DHRS7C: variants seen among roughly 807,000 people sequenced by gnomAD.
DHRS7C encodes dehydrogenase/reductase SDR family member 7C.
Under a neutral mutation model 29.6 loss-of-function variants are expected in DHRS7C, and 28 were observed. That is an observed-to-expected ratio of 0.95 (90% confidence interval 0.70 to 1.30). The LOEUF (loss-of-function observed/expected upper bound fraction) is 1.30, where lower values mean the gene tolerates loss of function less well. Ranked by LOEUF, DHRS7C falls within the 50% of genes most tolerant of loss-of-function variation. The probability of loss-of-function intolerance (pLI) is 0.00; values close to 1 mark genes in which losing one functional copy is unlikely to be tolerated. For missense variants in DHRS7C, 403 were observed against 393.3 expected, an observed-to-expected ratio of 1.02 and a Z score of -0.21; for synonymous variants, 158 against 160.2, an observed-to-expected ratio of 0.99 and a Z score of 0.10.
intron 1 of DHRS7C, among the ~76,000 whole-genome samples, chr17:9,782,006 G>A (rs995068677): frequency 2.0e-5 from 3 of 152,186 alleles, no homozygotes; most frequent in African/African-American, 7.2e-5. Context: ...TTTCTCTGGG[G>A]ATAGACACCT....
chr17:9,782,495 C>T (rs548682892), intron 1 of DHRS7C, among the ~76,000 whole-genome samples: 16 of 152,166 alleles, frequency 1.1e-4, no homozygotes, highest in Non-Finnish European at 2.1e-4. Context: ...CATTGCAGAG[C>T]TGGAGGCAAG....
intron 1 of DHRS7C, among the ~76,000 whole-genome samples, chr17:9,786,936 T>A (rs2066427315): frequency 6.6e-6 from 1 of 152,136 alleles, no homozygotes; most frequent in Non-Finnish European, 1.5e-5. Flanking sequence ...CTCCCTCTCT[T>A]GATGATGAGC....
At chr17:9,787,572 G>C (rs566975165) in intron 1 of DHRS7C, among the ~76,000 whole-genome samples, 1 of 152,232 alleles carries the variant, frequency 6.6e-6, no homozygotes, top group Admixed American at 6.5e-5. Context: ...ATCTCGCATC[G>C]AGCACTTTGG....
rs1567705506 is a variant in DHRS7C at position 9,791,315 on chromosome 17, GA to G, written c.-32del. On this transcript the variant is annotated 5_prime_UTR_variant, in exon 1 of 6. Transcript: ENST00000571134. ...TCTGGGGGACAACGGAGTAAAAGGG[GA>G]TTGGCTTTGCAAAGAGACGCTGATC... 1 of 1,609,456 alleles carries G rather than the reference GA, an allele frequency of 6.2e-7. No homozygotes were observed. Among genetic ancestry groups the G allele is most frequent in the South Asian group, 1.1e-5 (1 of 89,776 alleles).
chr17:9,786,989 A>T (rs1444796327), intron 1 of DHRS7C, among the ~76,000 whole-genome samples: 1 of 151,930 alleles, frequency 6.6e-6, no homozygotes, highest in Non-Finnish European at 1.5e-5. Context: ...CTTGTTGCCC[A>T]GGCTGGAGTG....
chr17:9,778,537 CT>C (rs1444877067), intron 3 of DHRS7C, among the ~76,000 whole-genome samples: 6 of 152,202 alleles, frequency 3.9e-5, no homozygotes, highest in Admixed American at 2.0e-4. Context: ...TTCCACTCCA[CT>C]TTCTTGGTTC....
chr17:9,791,042 C>CCACA, intron 1 of DHRS7C, 89 bp downstream of exon 1: 1 of 1,479,256 alleles, frequency 6.8e-7, no homozygotes, highest in Non-Finnish European at 9.1e-7. Context: ...GCAGGTTTGC[C>CCACA]CACACAGCGC....
chr17:9,779,558 G>A (rs1440118907), intron 3 of DHRS7C, among the ~76,000 whole-genome samples: 1 of 152,184 alleles, frequency 6.6e-6, no homozygotes. Flanking sequence ...GATGTAAGGA[G>A]AGAGAAGTAA....
chr17:9,771,825 C>T, intron 5 of DHRS7C, 129 bp from the exon 6 acceptor site: 1 of 936,956 alleles, frequency 1.1e-6, no homozygotes, highest in Non-Finnish European at 1.4e-6. Context: ...GTTCCAGGCC[C>T]CCTCCGCCAC....
chr17:9,780,140 A>T, intron 2 of DHRS7C, 105 bp from the exon 3 acceptor site: 2 of 946,924 alleles, frequency 2.1e-6, no homozygotes, highest in Non-Finnish European at 3.1e-6. Flanking sequence ...TTCAAAGATA[A>T]TGAAATGACT....
chr17:9,776,018 A>T (rs1261517569), intron 4 of DHRS7C, among the ~76,000 whole-genome samples: 1 of 152,178 alleles, frequency 6.6e-6, no homozygotes, highest in Non-Finnish European at 1.5e-5. Flanking sequence ...CCTGGCCAAT[A>T]TGGGGAAACC....
intron 5 of DHRS7C, among the ~76,000 whole-genome samples, chr17:9,771,996 G>A (rs1260038059): frequency 1.3e-5 from 2 of 152,204 alleles, no homozygotes; most frequent in Admixed American, 6.5e-5. Flanking sequence ...AAGGTGCCAG[G>A]TGGATTAAGG....
At position 9,771,587 on chromosome 17, in the gene DHRS7C, G is replaced by T; in HGVS notation, c.837C>A (p.Pro279=). ...AGGTGCGGACGTACACGGCGGCCTT[G>T]GGGATGGGGTTGGCCATAAACACCT... ...KQEVFMANPI[P]KAAVYVRTFF... Residue 279 remains proline, a synonymous_variant, in exon 6 of 6, where the codon CCC becomes CCA. Transcript: ENST00000571134. 6.3e-7 allele frequency: 1 copy of T among 1,596,990 alleles called. No individual in the cohort carries two copies. Among genetic ancestry groups the T allele is most frequent in the Non-Finnish European group, 8.5e-7 (1 of 1,170,900 alleles).
At position 9,777,198 on chromosome 17, in the gene DHRS7C, G is replaced by A. The variant is rs374278019; in HGVS notation, c.566C>T (p.Thr189Met). 19 of 1,612,366 alleles carry A rather than the reference G, an allele frequency of 1.2e-5. No individual in the cohort carries two copies. The highest frequency in any genetic ancestry group is 5.0e-5 in the Admixed American group (3 of 59,792). The change falls in exon 4 of 6, where the codon ACG becomes ATG. Residue 189 changes from threonine (T) to methionine (M), a missense_variant. Coordinates refer to ENST00000571134, the MANE Select transcript of DHRS7C (RefSeq NM_001105571.3). ...TTTTTATCTTAGCAACTTACAAGTC[G>A]TACGGAACGGGATTCCAAACTTCCC... ...IQGKFGIPFRTTYAASKHAAL... is the reference protein window; with the variant it reads ...IQGKFGIPFRMTYAASKHAAL...
intron 1 of DHRS7C, among the ~76,000 whole-genome samples, chr17:9,789,402 C>T (rs11650411): frequency 0.11 from 16,913 of 152,198 alleles, 1,216 homozygotes; most frequent in Non-Finnish European, 0.17. Flanking sequence ...GATCACATGT[C>T]ACTTTTAGAG....
rs1427218465 is a variant in DHRS7C, at chr17:9,787,926, G to A, written c.154+3205C>T. 5.9e-5 allele frequency among the ~76,000 whole-genome samples: 9 copies of A among 152,198 alleles called. No individual in the cohort carries two copies. In the East Asian group the frequency reaches 1.7e-3, roughly 30 times the overall value. Reference sequence around the variant, plus strand: ...GGGTCTTACTATGTTGCCCAGGCTGGTCTCGAACTCCTGAGTTCAAGCGAT... The same window carrying A: ...GGGTCTTACTATGTTGCCCAGGCTGATCTCGAACTCCTGAGTTCAAGCGAT... On this transcript the variant is annotated intron_variant, in intron 1 of 5. Transcript: ENST00000571134.
At chr17:9,787,445 C>T (rs973474618) in intron 1 of DHRS7C, among the ~76,000 whole-genome samples, 2 of 152,306 alleles carry the variant, frequency 1.3e-5, no homozygotes, top group East Asian at 1.9e-4. Context: ...CTCAGTGCCT[C>T]GGTGCTACTG....
chr17:9,779,452 C>A (rs1389540675), intron 3 of DHRS7C, among the ~76,000 whole-genome samples: 1 of 152,134 alleles, frequency 6.6e-6, no homozygotes, highest in Non-Finnish European at 1.5e-5. Flanking sequence ...AGCAGGTCAA[C>A]CACAAGGTTG....
At chr17:9,777,387 T>C (rs1340447408) in intron 3 of DHRS7C, 102 bp from the exon 4 acceptor site, 4 of 816,956 alleles carry the variant, frequency 4.9e-6, no homozygotes, top group Non-Finnish European at 1.9e-6. Context: ...AGGGCTCCGC[T>C]ACCTCCGCGG....
Sources: allele counts gnomAD v4.1 joint callset (sites outside exome capture counted in the v4.1 genomes callset), GRCh38; gene constraint gnomAD v4.1.1; transcripts MANE v1.5; gene names NCBI Gene and HGNC (gene_info 2026-07-23, HGNC 2026-07-21).